The following MYRFL variants were observed in gnomAD, a reference collection of about 807,000 sequenced individuals.
MYRFL encodes the protein myelin regulatory factor like.
A neutral mutation model predicts 109.4 loss-of-function variants in MYRFL; 88 were observed. The ratio of observed to expected loss-of-function variants is 0.80; its 90% CI spans 0.68 to 0.96. The LOEUF (loss-of-function observed/expected upper bound fraction) is 0.96, where lower values mean the gene tolerates loss of function less well. MYRFL is among the 40% of genes least tolerant of loss of function. The pLI is 0.00. For missense variants in MYRFL, 957 were observed against 954.9 expected (o/e 1.00, Z -0.03); for synonymous variants, 324 against 320.9 (o/e 1.01, Z -0.10).
chr12:69,958,409 T>TTAA, intron 24 of MYRFL, 36 bp from the exon 25 acceptor site: 2 of 1,508,064 alleles, frequency 1.3e-6, no homozygotes, highest in Non-Finnish European at 1.8e-6. Flanking sequence ...AATTTTTACA[T>TTAA]TAATCTTCCT....
chr12:69,881,397 G>A (rs1451577686), intron 5 of MYRFL, among the ~76,000 whole-genome samples: 1 of 152,156 alleles, frequency 6.6e-6, no homozygotes, highest in Non-Finnish European at 1.5e-5. Flanking sequence ...TTCCTTCTTG[G>A]GTTCCCCCAT....
At chr12:69,870,999 G>T (rs1885319084) in intron 2 of MYRFL, among the ~76,000 whole-genome samples, 1 of 152,050 alleles carries the variant, frequency 6.6e-6, no homozygotes, top group South Asian at 2.1e-4. Context: ...TGCCTGTAGT[G>T]TCAGGGTAAC....
chr12:69,850,123 C>CTCTTAA (rs1349817409), intron 1 of MYRFL, among the ~76,000 whole-genome samples: 1 of 152,198 alleles, frequency 6.6e-6, no homozygotes, highest in Non-Finnish European at 1.5e-5. Flanking sequence ...TGCACAAGCT[C>CTCTTAA]TCTTGTCTTG....
intron 10 of MYRFL, among the ~76,000 whole-genome samples, chr12:69,903,030 CGT>C (rs1566012877): frequency 1.3e-5 from 2 of 152,172 alleles, no homozygotes; most frequent in Admixed American, 1.3e-4. Context: ...GACAATAGTA[CGT>C]GTCTCATATA....
intron 10 of MYRFL, among the ~76,000 whole-genome samples, chr12:69,901,769 G>A (rs1005732136): frequency 2.6e-5 from 4 of 152,104 alleles, no homozygotes; most frequent in African/African-American, 9.7e-5. Flanking sequence ...TAGGGAACTT[G>A]CAGAAAAGCT....
intron 2 of MYRFL, among the ~76,000 whole-genome samples, chr12:69,857,820 G>T (rs141025132): frequency 1.6e-3 from 249 of 151,744 alleles, no homozygotes; most frequent in African/African-American, 5.7e-3. Context: ...TGAGACAGTT[G>T]TATGTCTTTC....
chr12:69,848,083 T>C (rs540538336), intron 1 of MYRFL, among the ~76,000 whole-genome samples: 2 of 152,230 alleles, frequency 1.3e-5, no homozygotes, highest in East Asian at 3.9e-4. Context: ...ATAGCTTTTT[T>C]TCATGGACAT....
At position 69,952,858 on chromosome 12, in the gene MYRFL, C is replaced by A; in HGVS notation, c.2347C>A (p.Gln783Lys). The A allele has an allele frequency of 6.5e-7, 1 of 1,535,582 alleles. No individual in the cohort carries two copies. The highest frequency in any genetic ancestry group is 8.7e-7 in the Non-Finnish European group (1 of 1,146,542). ...IMEIQQIIDH[Q>K]YCIQSLQCGS... is the part of the protein sequence containing the mutation. ...GGAAATCCAGCAAATAATAGATCAT[C>A]AGTATTGCATTCAAAGCCTCCAGTG... Residue 783 changes from glutamine to lysine, a missense_variant, in exon 21 of 25, where the codon CAG becomes AAG. Gln to Lys is a moderately conservative substitution (Grantham distance 53, BLOSUM62 1). Coordinates refer to ENST00000552032, the MANE Select transcript of MYRFL (RefSeq NM_182530.3).
rs759502194 is a variant in MYRFL at position 69,879,041 on chromosome 12, C to G, written c.151C>G (p.Pro51Ala). The G allele has an allele frequency of 4.3e-6, 3 of 702,984 alleles. No individual in the cohort carries two copies. Among genetic ancestry groups the G allele is most frequent in the Non-Finnish European group, 7.8e-6 (3 of 384,838 alleles). 43.5% of individuals were successfully genotyped at this position (702,984 alleles called of 1,614,324 possible). A position where few individuals can be genotyped will look rare whatever the true frequency, so the allele number is the denominator to read the frequency against. Reference sequence around the variant, plus strand: ...TCTAATCTTCAGGCAACGCCAGCTCCCAGACACCCCGCCCTATTCTGCATC... The same window carrying G: ...TCTAATCTTCAGGCAACGCCAGCTCGCAGACACCCCGCCCTATTCTGCATC... ...FDLGALQRQLPDTPPYSASDS... is the reference protein window; with the variant it reads ...FDLGALQRQLADTPPYSASDS... Residue 51 changes from proline (P) to alanine (A), a missense_variant, in exon 3 of 25, where the codon CCA (proline) becomes GCA (alanine). Physicochemically the swap from Pro to Ala is conservative, Grantham distance 27 (BLOSUM62 -1). Transcript: ENST00000552032.
At chr12:69,907,772 CTT>C (rs994872083) in intron 11 of MYRFL, among the ~76,000 whole-genome samples, 1 of 152,154 alleles carries the variant, frequency 6.6e-6, no homozygotes, top group African/African-American at 2.4e-5. Context: ...AAGAATGAAA[CTT>C]TTACTAAAAT....
At chr12:69,852,639 G>T (rs576569694) in intron 1 of MYRFL, among the ~76,000 whole-genome samples, 99 of 146,576 alleles carry the variant, frequency 6.8e-4, no homozygotes, top group Admixed American at 3.9e-3. Context: ...TCACAGAGGG[G>T]GATTTGGCAG....
intron 19 of MYRFL, among the ~76,000 whole-genome samples, chr12:69,948,841 T>G (rs895255161): frequency 2.0e-5 from 3 of 152,200 alleles, no homozygotes; most frequent in African/African-American, 7.2e-5. Context: ...GCTAATAGAA[T>G]AAGGAGTCTA....
intron 2 of MYRFL, among the ~76,000 whole-genome samples, chr12:69,861,963 A>G (rs1884704466): frequency 1.3e-5 from 2 of 151,034 alleles, no homozygotes; most frequent in South Asian, 2.1e-4. Context: ...AGCTTTCTAC[A>G]TATGGCTAGC....
chr12:69,901,675 A>G (rs1191937712), intron 10 of MYRFL, among the ~76,000 whole-genome samples: 3 of 152,192 alleles, frequency 2.0e-5, no homozygotes, highest in Non-Finnish European at 4.4e-5. Flanking sequence ...ACCATCTTAT[A>G]TGGCATACCT....
chr12:69,921,532 G>A (rs559693069), intron 13 of MYRFL, among the ~76,000 whole-genome samples: 1 of 152,274 alleles, frequency 6.6e-6, no homozygotes, highest in South Asian at 2.1e-4. Flanking sequence ...CTGTAACAAT[G>A]GGGGACAGAA....
chr12:69,884,583 C>T (rs953536939), intron 5 of MYRFL, among the ~76,000 whole-genome samples: 11 of 152,202 alleles, frequency 7.2e-5, no homozygotes, highest in Non-Finnish European at 1.2e-4. Context: ...CTTGCTGCCA[C>T]GCTTGAGTGG....
intron 1 of MYRFL, 44 bp downstream of exon 1, chr12:69,825,607 T>A: frequency 1.4e-6 from 1 of 696,876 alleles, no homozygotes; most frequent in Non-Finnish European, 2.6e-6. Flanking sequence ...TTCTGAGAAA[T>A]GCTCACTATC....
At chr12:69,934,361 TGGTGA>T (rs1955378702) in intron 16 of MYRFL, among the ~76,000 whole-genome samples, 1 of 152,198 alleles carries the variant, frequency 6.6e-6, no homozygotes, top group Non-Finnish European at 1.5e-5. Context: ...GGCAGTGCCC[TGGTGA>T]GGGTGCCTGG....
chr12:69,856,025 A>G (rs1884261549), intron 2 of MYRFL, among the ~76,000 whole-genome samples: 1 of 152,106 alleles, frequency 6.6e-6, no homozygotes, highest in African/African-American at 2.4e-5. Flanking sequence ...TATAACCACT[A>G]CCATTATCAT....
Sources: allele counts gnomAD v4.1 joint callset (sites outside exome capture counted in the v4.1 genomes callset), GRCh38; gene constraint gnomAD v4.1.1; transcripts MANE v1.5; gene names NCBI Gene and HGNC (gene_info 2026-07-23, HGNC 2026-07-21).